The following MAST4 variants were observed in gnomAD, a reference collection of about 807,000 sequenced individuals.
The protein encoded by MAST4 is microtubule associated serine/threonine kinase family member 4.
Under a neutral mutation model 162.7 loss-of-function variants are expected in MAST4, and 89 were observed. The observed-to-expected ratio is 0.55, with a 90% confidence interval of 0.46 to 0.65. The LOEUF is 0.65. Ranked by LOEUF, MAST4 falls within the 30% of genes least tolerant of loss-of-function variation. The pLI is 0.00. For synonymous variants in MAST4, 1,479 were observed against 1,361.1 expected (o/e 1.09, Z -1.91); for missense variants, 3,153 against 3,374.0 (o/e 0.93, Z 1.62).
intron 3 of MAST4, among the ~76,000 whole-genome samples, chr5:66,796,246 G>T (rs1317551068): frequency 6.6e-6 from 1 of 152,188 alleles, no homozygotes; most frequent in Non-Finnish European, 1.5e-5. Flanking sequence ...ATGGCTGGCT[G>T]CCCAATGGGT....
intron 12 of MAST4, chr5:67,114,492 A>G: frequency 2.9e-6 from 1 of 339,908 alleles, no homozygotes; most frequent in African/African-American, 2.2e-5. Context: ...GTGTCCCAGA[A>G]GGGTTGCAAT....
chr5:66,714,719 A>C (rs558845549), intron 1 of MAST4, among the ~76,000 whole-genome samples: 1 of 152,230 alleles, frequency 6.6e-6, no homozygotes, highest in Non-Finnish European at 1.5e-5. Context: ...TTTTTTAAAC[A>C]ATACCACTTT....
Position 67,166,398 on chromosome 5 carries a change from G to A in MAST4, c.7219G>A (p.Ala2407Thr). ...CCGGTTGAAAGGCGCGGAGCGGCCA[G>A]CCGCGGGGGTGGGGAAGGGCTTCCC... Reference protein sequence around the residue: ...ENRLKGAERPAAGVGKGFPEA... With the variant: ...ENRLKGAERPTAGVGKGFPEA... Residue 2407 changes from alanine to threonine, a missense_variant, in exon 29 of 29, where the codon GCC becomes ACC. Ala to Thr is a moderately conservative substitution (Grantham distance 58). Coordinates refer to ENST00000403625, the MANE Select transcript of MAST4 (RefSeq NM_001164664.2). 1 of 1,610,492 alleles carries A rather than the reference G, an allele frequency of 6.2e-7. No homozygotes were observed. Among genetic ancestry groups the A allele is most frequent in the Non-Finnish European group, 8.5e-7 (1 of 1,178,294 alleles).
intron 15 of MAST4, among the ~76,000 whole-genome samples, chr5:67,130,962 C>T (rs977384121): frequency 6.6e-6 from 1 of 151,816 alleles, no homozygotes; most frequent in Non-Finnish European, 1.5e-5. Flanking sequence ...TTTCTGAGTT[C>T]GAGTGACCAT....
intron 1 of MAST4, among the ~76,000 whole-genome samples, chr5:66,742,940 A>G (rs1441049566): frequency 1.3e-5 from 2 of 152,176 alleles, no homozygotes; most frequent in Non-Finnish European, 2.9e-5. Context: ...GTTCAAGTAG[A>G]TTTGTTTTCT....
At chr5:66,769,450 G>A (rs929001812) in intron 2 of MAST4, among the ~76,000 whole-genome samples, 10 of 152,154 alleles carry the variant, frequency 6.6e-5, no homozygotes, top group South Asian at 2.1e-4. Context: ...GTCATGCATC[G>A]CTTAATGACG....
intron 11 of MAST4, 145 bp from the exon 12 acceptor site, chr5:67,113,942 C>G (rs1381733604): frequency 1.3e-6 from 1 of 789,134 alleles, no homozygotes; most frequent in Admixed American, 2.9e-5. Flanking sequence ...GAATTACATA[C>G]TTTTTAAAGC....
At chr5:66,615,470 C>G (rs559329269) in intron 1 of MAST4, among the ~76,000 whole-genome samples, 50 of 152,256 alleles carry the variant, frequency 3.3e-4, no homozygotes, top group Admixed American at 9.2e-4. Context: ...AGGAATAGCT[C>G]TGAGGGATCA....
intron 1 of MAST4, among the ~76,000 whole-genome samples, chr5:66,692,579 A>G (rs945445021): frequency 1.3e-5 from 2 of 152,142 alleles, no homozygotes; most frequent in Non-Finnish European, 2.9e-5. Flanking sequence ...TTCCACCATC[A>G]GAACACTTAA....
At chr5:66,754,012 A>T (rs1368325302) in intron 1 of MAST4, among the ~76,000 whole-genome samples, 1 of 151,834 alleles carries the variant, frequency 6.6e-6, no homozygotes, top group East Asian at 1.9e-4. Flanking sequence ...CAAATCAATA[A>T]ATGTAATCCA....
At chr5:66,900,267 G>A (rs1762927105) in intron 4 of MAST4, among the ~76,000 whole-genome samples, 1 of 152,050 alleles carries the variant, frequency 6.6e-6, no homozygotes, top group African/African-American at 2.4e-5. Flanking sequence ...TTGGTTAGGA[G>A]ACAGAGTACA....
intron 3 of MAST4, among the ~76,000 whole-genome samples, chr5:66,865,983 G>A (rs2149854396): frequency 6.6e-6 from 1 of 150,680 alleles, no homozygotes; most frequent in Admixed American, 6.6e-5. Flanking sequence ...ACTGAGGCAG[G>A]AGAATCGCTT....
At chr5:66,734,954 A>G (rs1475949023) in intron 1 of MAST4, among the ~76,000 whole-genome samples, 1 of 152,216 alleles carries the variant, frequency 6.6e-6, no homozygotes, top group Admixed American at 6.5e-5. Context: ...CTCCACCCTT[A>G]AGAATATCTT....
intron 4 of MAST4, among the ~76,000 whole-genome samples, chr5:67,035,691 T>G (rs1755931272): frequency 6.6e-6 from 1 of 152,134 alleles, no homozygotes; most frequent in Non-Finnish European, 1.5e-5. Context: ...TAAGCCTGGC[T>G]TCCTTTCTTC....
At chr5:67,075,922 C>T (rs1380174335) in intron 5 of MAST4, among the ~76,000 whole-genome samples, 3 of 151,986 alleles carry the variant, frequency 2.0e-5, no homozygotes, top group Non-Finnish European at 2.9e-5. Context: ...CTTGGTAAAA[C>T]AGAGCCAGGA....
At chr5:66,806,957 A>C (rs538627284) in intron 3 of MAST4, among the ~76,000 whole-genome samples, 2 of 152,140 alleles carry the variant, frequency 1.3e-5, no homozygotes, top group East Asian at 1.9e-4. Flanking sequence ...GAGGGCTTCA[A>C]TGTGGTAGCA....
rs538149578 is a variant in MAST4, at chr5:67,060,519, C to T, written c.763+6027C>T. 1.9e-4 allele frequency among the ~76,000 whole-genome samples: 28 copies of T among 148,186 alleles called. 1 individual carries two copies. The highest frequency in any genetic ancestry group is 1.6e-3 in the Admixed American group (23 of 14,750). On this transcript the variant is annotated intron_variant, in intron 5 of 28. Coordinates refer to ENST00000403625, the MANE Select transcript of MAST4 (RefSeq NM_001164664.2). ...TTTTGAGACAGTCTTGCTCTGTCGCCCAGGCTGGAGTGCAGTGGAGCGATC... is the reference window on the plus strand; with the variant it reads ...TTTTGAGACAGTCTTGCTCTGTCGCTCAGGCTGGAGTGCAGTGGAGCGATC...
chr5:66,873,470 G>T (rs550957767), intron 3 of MAST4, among the ~76,000 whole-genome samples: 53 of 152,268 alleles, frequency 3.5e-4, no homozygotes, highest in African/African-American at 9.6e-4. Context: ...AACAAATTAC[G>T]GTAAACCAGC....
At chr5:66,751,176 T>C (rs1753138264) in intron 1 of MAST4, among the ~76,000 whole-genome samples, 1 of 151,740 alleles carries the variant, frequency 6.6e-6, no homozygotes, top group Non-Finnish European at 1.5e-5. Context: ...CAAAAGTAGA[T>C]AAAACCACAA....
Sources: gnomAD v4.1 joint callset for allele counts (sites outside exome capture counted in the v4.1 genomes callset) on GRCh38, gnomAD v4.1.1 for gene constraint, MANE v1.5 for transcripts, NCBI Gene and HGNC (gene_info 2026-07-23, HGNC 2026-07-21) for gene names.